Variants in MAPK9 observed in about 807,000 individuals in gnomAD.
The protein encoded by MAPK9 is Jun kinase.
Under a neutral mutation model 57.1 loss-of-function variants are expected in MAPK9, and 30 were observed. That is an observed-to-expected ratio of 0.53 (90% CI 0.39 to 0.71). MAPK9 has a LOEUF of 0.71. MAPK9 is among the 30% of genes least tolerant of loss of function. The pLI, the probability that MAPK9 is intolerant of heterozygous loss-of-function variation, is 0.00. For synonymous variants in MAPK9, 155 were observed against 177.0 expected (o/e 0.88, Z 0.99); for missense variants, 362 against 521.0 (o/e 0.69, Z 2.97).
At chr5:180,243,311 C>T (rs1581172468) in intron 7 of MAPK9, among the ~76,000 whole-genome samples, 2 of 152,280 alleles carry the variant, frequency 1.3e-5, no homozygotes, top group South Asian at 2.1e-4. Flanking sequence ...CACTGCGATC[C>T]CTAGGTAATG....
intron 2 of MAPK9, among the ~76,000 whole-genome samples, chr5:180,273,310 A>T (rs1008833908): frequency 1.3e-5 from 2 of 151,874 alleles, no homozygotes; most frequent in African/African-American, 4.8e-5. Flanking sequence ...TTATCTTTTC[A>T]GTTTCTTGAT....
At chr5:180,237,427 A>G (rs1468957704) in intron 11 of MAPK9, 1 of 152,178 alleles carries the variant, frequency 6.6e-6, no homozygotes, top group African/African-American at 2.4e-5. Flanking sequence ...AGTGAACACG[A>G]CTCATATCAG....
In MAPK9 at chr5:180,280,476, A is replaced by T; in HGVS notation, c.86T>A (p.Leu29Gln). ...TTGGGCCCCAGAGCCAATTGGTTTCAGCTGCTGGTAACGTTTTAGGACAGT... is the reference window on the plus strand; with the variant it reads ...TTGGGCCCCAGAGCCAATTGGTTTCTGCTGCTGGTAACGTTTTAGGACAGT... ...TFTVLKRYQQ[L>Q]KPIGSGAQGI... Residue 29 changes from leucine (L) to glutamine (Q), a missense_variant, in exon 2 of 12, where the codon CTG becomes CAG. Leu to Gln is a moderately radical substitution (Grantham distance 113). Coordinates refer to ENST00000452135, the MANE Select transcript of MAPK9 (RefSeq NM_002752.5). 6.2e-7 allele frequency: 1 copy of T among 1,614,216 alleles called. No homozygotes were observed. Among genetic ancestry groups the T allele is most frequent in the Non-Finnish European group, 8.5e-7 (1 of 1,180,036 alleles).
At chr5:180,269,793 T>C (rs1352868235) in intron 2 of MAPK9, among the ~76,000 whole-genome samples, 2 of 152,258 alleles carry the variant, frequency 1.3e-5, no homozygotes, top group Non-Finnish European at 2.9e-5. Context: ...TTAAAATGTG[T>C]ATATTTTGGA....
At chr5:180,254,872 A>C (rs1759100528) in intron 5 of MAPK9, among the ~76,000 whole-genome samples, 1 of 152,180 alleles carries the variant, frequency 6.6e-6, no homozygotes, top group Non-Finnish European at 1.5e-5. Context: ...GTCTCTACTA[A>C]AAATACAAAA....
chr5:180,241,486 A>T (rs1056992073), intron 8 of MAPK9, among the ~76,000 whole-genome samples: 2 of 152,056 alleles, frequency 1.3e-5, no homozygotes, highest in Admixed American at 1.3e-4. Context: ...TTTTTAGTAG[A>T]GACAGGGTTT....
intron 10 of MAPK9, among the ~76,000 whole-genome samples, chr5:180,239,561 A>C (rs943667357): frequency 5.9e-5 from 9 of 152,232 alleles, no homozygotes; most frequent in Admixed American, 3.9e-4. Context: ...GCATATTTTC[A>C]ATCTGCAATT....
chr5:180,284,295 T>G (rs900128901), intron 1 of MAPK9, among the ~76,000 whole-genome samples: 7 of 152,196 alleles, frequency 4.6e-5, no homozygotes, highest in African/African-American at 1.7e-4. Context: ...CCCCCTCAGC[T>G]CCCAGGCTGT....
intron 5 of MAPK9, among the ~76,000 whole-genome samples, chr5:180,252,781 G>A (rs1324702459): frequency 1.3e-5 from 2 of 152,142 alleles, no homozygotes; most frequent in Non-Finnish European, 2.9e-5. Flanking sequence ...GGCCAGGCAA[G>A]CCACAGAGGC....
chr5:180,288,312 G>C (rs1161275601), intron 1 of MAPK9, among the ~76,000 whole-genome samples: 1 of 152,196 alleles, frequency 6.6e-6, no homozygotes, highest in African/African-American at 2.4e-5. Flanking sequence ...CAAAGAAATA[G>C]GAGGGGGATC....
At chr5:180,278,785 CCT>C (rs140356894) in intron 2 of MAPK9, among the ~76,000 whole-genome samples, 26,795 of 151,542 alleles carry the variant, frequency 0.18, 2,980 homozygotes, top group Non-Finnish European at 0.25. Context: ...CTTCTTGCCC[CCT>C]CTCTCCTTTT....
chr5:180,247,792 T>C lies in MAPK9; in HGVS notation c.617-282A>G. 3 of 1,532,680 alleles carry C rather than the reference T, an allele frequency of 2.0e-6. No homozygotes were observed. The highest frequency in any genetic ancestry group is 2.7e-6 in the Non-Finnish European group (3 of 1,106,482). The allele number at this position is 1,532,680 out of a possible 1,614,324, so 94.9% of individuals were successfully genotyped here. A position where few individuals can be genotyped will look rare whatever the true frequency, so the allele number is the denominator to read the frequency against. On this transcript the variant is annotated intron_variant, in intron 6 of 11. Coordinates refer to ENST00000452135, the MANE Select transcript of MAPK9 (RefSeq NM_002752.5). The surrounding 1 kb of genome is among the most constrained non-coding windows in gnomAD (Gnocchi z 4.5). ...AAGAAGTGCCTGTGAACACAAAGCT[T>C]TTCAGGGCCACACGCCCACCCCAGC...
chr5:180,252,658 C>T (rs900789867), intron 5 of MAPK9, among the ~76,000 whole-genome samples: 11 of 152,312 alleles, frequency 7.2e-5, no homozygotes, highest in South Asian at 2.1e-4. Flanking sequence ...CAAGCGCCTC[C>T]GCTCCGGCTA....
intron 1 of MAPK9, among the ~76,000 whole-genome samples, chr5:180,286,192 C>T (rs1190945981): frequency 7.7e-6 from 1 of 130,278 alleles, no homozygotes; most frequent in East Asian, 3.0e-4. Context: ...GTCGCCCAGG[C>T]TGGAGTGCAG....
At chr5:180,266,460 G>C (rs928749842) in intron 3 of MAPK9, among the ~76,000 whole-genome samples, 1 of 151,936 alleles carries the variant, frequency 6.6e-6, no homozygotes, top group Non-Finnish European at 1.5e-5. Flanking sequence ...GATTACAGGC[G>C]CCCACCACTA....
intron 1 of MAPK9, among the ~76,000 whole-genome samples, chr5:180,282,281 A>C (rs1762377412): frequency 6.6e-6 from 1 of 152,118 alleles, no homozygotes; most frequent in Non-Finnish European, 1.5e-5. Context: ...AAACAATTCC[A>C]CTCAACATTT....
chr5:180,255,673 G>A (rs1420744105), intron 5 of MAPK9, among the ~76,000 whole-genome samples: 1 of 152,124 alleles, frequency 6.6e-6, no homozygotes, highest in Non-Finnish European at 1.5e-5. Flanking sequence ...TCACGATGAC[G>A]CAACGAGCCA....
chr5:180,264,889 CA>C, intron 3 of MAPK9, 50 bp from the exon 4 acceptor site: 1 of 1,408,990 alleles, frequency 7.1e-7, no homozygotes, highest in Non-Finnish European at 9.6e-7. Flanking sequence ...TACTTGATTA[CA>C]AAAATTAAGT....
chr5:180,269,522 G>T, intron 2 of MAPK9, 113 bp from the exon 3 acceptor site: 2 of 1,036,968 alleles, frequency 1.9e-6, no homozygotes, highest in East Asian at 2.6e-5. Flanking sequence ...GGAAAAATCT[G>T]CTTATTTCAT....
Sources: gnomAD v4.1 joint callset for allele counts (sites outside exome capture counted in the v4.1 genomes callset) on GRCh38, gnomAD v4.1.1 for gene constraint, Gnocchi (gnomAD v3.1) non-coding constraint, MANE v1.5 for transcripts, NCBI Gene and HGNC (gene_info 2026-07-23, HGNC 2026-07-21) for gene names.